The following SLITRK4 variants were observed in gnomAD, a reference collection of about 807,000 sequenced individuals.
The protein encoded by SLITRK4 is SLIT and NTRK like family member 4.
In SLITRK4, 7 loss-of-function variants were observed where a neutral mutation model predicts 34.7. The ratio of observed to expected loss-of-function variants is 0.20; its 90% CI spans 0.11 to 0.38. The LOEUF is 0.38. Among genes scored for constraint, SLITRK4 ranks in the 10% least tolerant of loss-of-function variants. The pLI is 1.00. For missense variants in SLITRK4, 474 were observed against 607.0 expected (o/e 0.78, Z 2.30); for synonymous variants, 237 against 246.2 (o/e 0.96, Z 0.35).
intron 1 of SLITRK4, among the ~76,000 whole-genome samples, chrX:143,634,132 T>C (rs945545441): frequency 8.9e-6 from 1 of 112,434 alleles, no homozygotes; most frequent in East Asian, 2.8e-4. Context: ...ACTGACCTGC[T>C]TGCCACGGGC....
Position 143,627,599 on chromosome X carries a change from T to C in SLITRK4, c.*996A>G, listed in dbSNP as rs1183445188. On this transcript the variant is annotated 3_prime_UTR_variant, in exon 2 of 2. Transcript: ENST00000356928. ...ATTTCTTTCTGTCTACATTTATACT[T>C]ACTGATAAATTCACTGTGATCAGGA... 8.9e-6 allele frequency: 1 copy of C among 111,777 alleles called. No homozygotes were observed. Among genetic ancestry groups the C allele is most frequent in the Non-Finnish European group, 1.9e-5 (1 of 53,086 alleles). The allele number at this position is 111,777 out of a possible 1,213,427, so 9.2% of individuals were successfully genotyped here. A position where few individuals can be genotyped will look rare whatever the true frequency, so the allele number is the denominator to read the frequency against.
chrX:143,631,098 C>A lies in SLITRK4; in HGVS notation c.11G>T (p.Trp4Leu). Residue 4 changes from tryptophan (W) to leucine (L), a missense_variant, in exon 2 of 2, where the codon TGG (tryptophan) becomes TTG (leucine). Around this residue, in one of 3 missense-constraint regions of SLITRK4, gnomAD observed 84 missense variants for 101.3 expected, o/e 0.83. Coordinates refer to ENST00000356928, the MANE Select transcript of SLITRK4 (RefSeq NM_001184749.3). MFLWLFLILSALIS... is the reference protein window; with the variant it reads MFLLLFLILSALIS... ...CAGGGCTGACAAAATCAGAAACAGC[C>A]ACAGAAACATCTTCTTGCAATCAGC... 1 of 1,162,200 alleles carries A rather than the reference C, an allele frequency of 8.6e-7. No individual in the cohort carries two copies. The highest frequency in any genetic ancestry group is 1.1e-6 in the Non-Finnish European group (1 of 872,443).
At chrX:143,632,027 C>A (rs188602526) in intron 1 of SLITRK4, among the ~76,000 whole-genome samples, 2 of 111,649 alleles carry the variant, frequency 1.8e-5, no homozygotes, top group African/African-American at 3.3e-5. Context: ...AGAACTGGCT[C>A]TCTTGCCTCC....
chrX:143,629,216 C>T lies in SLITRK4; in HGVS notation c.1893G>A (p.Thr631=), dbSNP rs782674202. ...ILSILVVLIL[T]VFVAFCLLVF... is the part of the protein sequence containing the mutation. ...CAAGAAGGCAAAAAGCAACAAACACCGTTAAAATGAGGACCACTAAGATAC... is the reference window on the plus strand; with the variant it reads ...CAAGAAGGCAAAAAGCAACAAACACTGTTAAAATGAGGACCACTAAGATAC... Residue 631 remains threonine, a synonymous_variant, in exon 2 of 2, where the codon ACG becomes ACA. Transcript: ENST00000356928. 35 of 1,209,892 alleles carry T rather than the reference C, an allele frequency of 2.9e-5. No individual in the cohort carries two copies. Among genetic ancestry groups the T allele is most frequent in the Non-Finnish European group, 3.4e-5 (30 of 895,303 alleles).
intron 1 of SLITRK4, chrX:143,635,153 A>ACC (rs1209857513): frequency 6.2e-4 from 12 of 19,224 alleles, no homozygotes; most frequent in African/African-American, 1.3e-3. Flanking sequence ...GCTCTCCACC[A>ACC]CCCCCCCCCA....
At chrX:143,634,387 G>C (rs1931155367) in intron 1 of SLITRK4, 1 of 111,768 alleles carries the variant, frequency 8.9e-6, no homozygotes, top group African/African-American at 3.3e-5. Flanking sequence ...ACCAACCCGC[G>C]GGCCACTGCC....
chrX:143,629,681 C>G lies in SLITRK4; in HGVS notation c.1428G>C (p.Gln476His). The G allele has an allele frequency of 8.3e-7, 1 of 1,211,561 alleles. No homozygotes were observed. Among genetic ancestry groups the G allele is most frequent in the Non-Finnish European group, 1.1e-6 (1 of 895,431 alleles). ...GGAGATTATTGTTTAAGTACAGTAA[C>G]TGCAAATTTGGCATGGAGTCAAAGG... ...AGTFDSMPNL[Q>H]LLYLNNNLLK... Residue 476 changes from glutamine (Q) to histidine (H), a missense_variant, in exon 2 of 2, where the codon CAG becomes CAC. Coordinates refer to ENST00000356928, the MANE Select transcript of SLITRK4 (RefSeq NM_001184749.3).
chrX:143,623,394 A>T lies in SLITRK4; in HGVS notation c.*5201T>A, dbSNP rs1930690027. Reference sequence around the variant, plus strand: ...TTGGTCTAAAATATTCAAATGCCTCAGAGCCCTACTTTATTTTCCCCTTGT... The same window carrying T: ...TTGGTCTAAAATATTCAAATGCCTCTGAGCCCTACTTTATTTTCCCCTTGT... On this transcript the variant is annotated 3_prime_UTR_variant, in exon 2 of 2. Coordinates refer to ENST00000356928, the MANE Select transcript of SLITRK4 (RefSeq NM_001184749.3). 9.1e-6 allele frequency: 1 copy of T among 110,196 alleles called. No individual in the cohort carries two copies. Among genetic ancestry groups the T allele is most frequent in the African/African-American group, 3.3e-5 (1 of 30,374 alleles). The allele number at this position is 110,196 out of a possible 1,213,427, so 9.1% of individuals were successfully genotyped here.
In SLITRK4 at chrX:143,630,577, C is replaced by T. The variant is rs374198793; in HGVS notation, c.532G>A (p.Ala178Thr). The T allele has an allele frequency of 6.6e-6, 8 of 1,209,138 alleles. No homozygotes were observed. Among genetic ancestry groups the T allele is most frequent in the South Asian group, 5.3e-5 (3 of 56,656 alleles). Residue 178 changes from alanine to threonine, a missense_variant, in exon 2 of 2, where the codon GCA becomes ACA. Ala to Thr is a moderately conservative substitution (Grantham distance 58, BLOSUM62 0). Coordinates refer to ENST00000356928, the MANE Select transcript of SLITRK4 (RefSeq NM_001184749.3). ...CGTATATCCAGATGGGTCAAAGATGCGAATCGGAAAATATTATCAGGAAGG... is the reference window on the plus strand; with the variant it reads ...CGTATATCCAGATGGGTCAAAGATGTGAATCGGAAAATATTATCAGGAAGG... ...SFLPDNIFRF[A>T]SLTHLDIRGN... is the part of the protein sequence containing the mutation.
chrX:143,634,826 G>A (rs1388768185), intron 1 of SLITRK4: 1 of 110,139 alleles, frequency 9.1e-6, no homozygotes, highest in Admixed American at 9.5e-5. Flanking sequence ...GCGGGGAAGA[G>A]GCAGCACGCG....
rs72606458 is a variant in SLITRK4 at position 143,635,838 on chromosome X, A to T, written c.-154T>A. 0.13 allele frequency: 13,963 copies of T among 110,200 alleles called. 769 individuals carry two copies. The highest frequency in any genetic ancestry group is 0.18 in the Middle Eastern group (40 of 218). The allele number at this position is 110,200 out of a possible 1,213,427, so 9.1% of individuals were successfully genotyped here. A position where few individuals can be genotyped will look rare whatever the true frequency, so the allele number is the denominator to read the frequency against. On this transcript the variant is annotated 5_prime_UTR_variant, in exon 1 of 2. Transcript: ENST00000356928. ...CTTGGGAACCAATTTCCTAGGATCC[A>T]GTAGTATTCGCACTCCCCCTACCTG...
In SLITRK4 at chrX:143,623,294, T is replaced by C. The variant is rs1930687500; in HGVS notation, c.*5301A>G. On this transcript the variant is annotated 3_prime_UTR_variant, in exon 2 of 2. Transcript: ENST00000356928. Reference sequence around the variant, plus strand: ...GGGTTGAGTAATTCTCTCCTGGTTCTGGGTCCTACAGTCAGTGGAAATGTC... The same window carrying C: ...GGGTTGAGTAATTCTCTCCTGGTTCCGGGTCCTACAGTCAGTGGAAATGTC... 9.0e-6 allele frequency: 1 copy of C among 110,802 alleles called. No individual in the cohort carries two copies. Among genetic ancestry groups the C allele is most frequent in the African/African-American group, 3.3e-5 (1 of 30,546 alleles). The allele number at this position is 110,802 out of a possible 1,213,427, so 9.1% of individuals were successfully genotyped here. A position where few individuals can be genotyped will look rare whatever the true frequency, so the allele number is the denominator to read the frequency against.
In SLITRK4 at chrX:143,630,190, T is replaced by C; in HGVS notation, c.919A>G (p.Thr307Ala). ...ATTCCAGAGATCTTGGAAGGATTTG[T>C]TGTTTTTGGTGGTTTAGTTACTAAT... ...HRLVTKPPKT[T>A]NPSKISGIVA... The change falls in exon 2 of 2, where the codon ACA becomes GCA. Residue 307 changes from threonine to alanine, a missense_variant. By Grantham distance (58) the Thr-to-Ala change is moderately conservative. Transcript: ENST00000356928. The C allele has an allele frequency of 8.3e-7, 1 of 1,211,371 alleles. No individual in the cohort carries two copies. Among genetic ancestry groups the C allele is most frequent in the East Asian group, 3.0e-5 (1 of 33,807 alleles).
rs1930678883 is a variant in SLITRK4, at chrX:143,622,954, C to T, written c.*5641G>A. The T allele has an allele frequency of 9.0e-6, 1 of 110,533 alleles. No homozygotes were observed. The highest frequency in any genetic ancestry group is 3.3e-5 in the African/African-American group (1 of 30,390). The allele number at this position is 110,533 out of a possible 1,213,427, so 9.1% of individuals were successfully genotyped here. A position where few individuals can be genotyped will look rare whatever the true frequency, so the allele number is the denominator to read the frequency against. On this transcript the variant is annotated 3_prime_UTR_variant, in exon 2 of 2. Transcript: ENST00000356928. ...AGCTTACTATGATTTTCACACACTTCCATGAGCAATATCCACTGCACAACA... is the reference window on the plus strand; with the variant it reads ...AGCTTACTATGATTTTCACACACTTTCATGAGCAATATCCACTGCACAACA...
At chrX:143,634,547 G>GGA (rs1931166941) in intron 1 of SLITRK4, 2 of 108,658 alleles carry the variant, frequency 1.8e-5, no homozygotes, top group African/African-American at 3.4e-5. Flanking sequence ...GGTGGGGGGG[G>GGA]GGGCGGGCAG....
At chrX:143,634,981 G>C (rs1379908806) in intron 1 of SLITRK4, 2 of 108,428 alleles carry the variant, frequency 1.8e-5, no homozygotes, top group African/African-American at 6.7e-5. Flanking sequence ...CTCCGCGCCC[G>C]CTCGCCCGTC....
chrX:143,630,006 G>T lies in SLITRK4; in HGVS notation c.1103C>A (p.Ser368Tyr). 8.3e-7 allele frequency: 1 copy of T among 1,211,767 alleles called. No homozygotes were observed. Among genetic ancestry groups the T allele is most frequent in the Non-Finnish European group, 1.1e-6 (1 of 895,517 alleles). The change falls in exon 2 of 2, where the codon TCT becomes TAT. Residue 368 changes from serine to tyrosine, a missense_variant. Physicochemically the swap from Ser to Tyr is moderately radical, Grantham distance 144. This residue lies in a region of SLITRK4 where 345 missense variants were observed against 406.5 expected (regional missense o/e 0.85). Coordinates refer to ENST00000356928, the MANE Select transcript of SLITRK4 (RefSeq NM_001184749.3). ...AGGTTTCGGTATCAGTTCAGACATAGACTGTATATTTTTCTCTTGGCAGTT... is the reference window on the plus strand; with the variant it reads ...AGGTTTCGGTATCAGTTCAGACATATACTGTATATTTTTCTCTTGGCAGTT... ...SVNCQEKNIQSMSELIPKPLN... is the reference protein window; with the variant it reads ...SVNCQEKNIQYMSELIPKPLN...
chrX:143,628,672 C>T lies in SLITRK4; in HGVS notation c.2437G>A (p.Glu813Lys), dbSNP rs1207521509. 5.8e-6 allele frequency: 7 copies of T among 1,209,489 alleles called. No individual in the cohort carries two copies. Among genetic ancestry groups the T allele is most frequent in the Non-Finnish European group, 6.7e-6 (6 of 895,086 alleles). ...GAACTCTGCAGTTTCGCCTTCAGTT[C>T]AAAATACTCACTCTTCCTTTGTTCC... is the stretch of plus-strand genomic sequence containing the variant. ...VVEQRKSEYF[E>K]LKAKLQSSPD... The change falls in exon 2 of 2, where the codon GAA becomes AAA. Residue 813 changes from glutamate (E) to lysine (K), a missense_variant. Transcript: ENST00000356928.
rs782488760 is a variant in SLITRK4, at chrX:143,629,713, C to T, written c.1396G>A (p.Ala466Thr). Residue 466 changes from alanine (A) to threonine (T), a missense_variant, in exon 2 of 2, where the codon GCA becomes ACA. Ala to Thr is a moderately conservative substitution (Grantham distance 58, BLOSUM62 0). This residue lies in a region of SLITRK4 where 345 missense variants were observed against 406.5 expected (regional missense o/e 0.85). Coordinates refer to ENST00000356928, the MANE Select transcript of SLITRK4 (RefSeq NM_001184749.3). ...TTTGGCATGGAGTCAAAGGTGCCTG[C>T]TGAGATTTCCTTAATCAAATTGTAT... Reference protein sequence around the residue: ...LEYNLIKEISAGTFDSMPNLQ... With the variant: ...LEYNLIKEISTGTFDSMPNLQ... 3.6e-5 allele frequency: 43 copies of T among 1,209,467 alleles called. No individual in the cohort carries two copies. The South Asian group carries it at 5.5e-4, about 15-fold the overall frequency.
Sources: allele counts gnomAD v4.1 joint callset (sites outside exome capture counted in the v4.1 genomes callset), GRCh38; gene constraint gnomAD v4.1.1; regional missense constraint gnomAD v4.1.1; transcripts MANE v1.5; gene names NCBI Gene and HGNC (gene_info 2026-07-23, HGNC 2026-07-21).